Variants in PRMT8 observed in about 807,000 individuals in gnomAD.
PRMT8 encodes protein arginine methyltransferase 8, also known as protein arginine N-methyltransferase 8.
Under a neutral mutation model 47.1 loss-of-function variants are expected in PRMT8, and 7 were observed. The observed-to-expected ratio is 0.15, with a 90% CI of 0.08 to 0.28. The LOEUF (loss-of-function observed/expected upper bound fraction) is 0.28. PRMT8 is among the 10% of genes least tolerant of loss of function. PRMT8 has a pLI of 1.00. For synonymous variants in PRMT8, 188 were observed against 186.5 expected (o/e 1.01, Z -0.07); for missense variants, 237 against 505.4 (o/e 0.47, Z 5.09).
upstream of PRMT8, among the ~76,000 whole-genome samples, chr12:3,489,463 C>A (rs1182199604): frequency 6.6e-6 from 1 of 151,898 alleles, no homozygotes; most frequent in Non-Finnish European, 1.5e-5. Flanking sequence ...TCTTGGGGTC[C>A]TTATTTGTAA....
rs1397655285 is a variant in PRMT8, at chr12:3,572,242, G to A, written c.712+2678G>A. ...TAGGCTCACAATACATAATTTTAAC[G>A]AAGGAAGGAAGGAAGGAAGGAAAGT... On this transcript the variant is annotated intron_variant, in intron 6 of 9. Transcript: ENST00000382622. This position sits in a 1 kb window ranked among gnomAD's most constrained non-coding sequence, Gnocchi z 5.9. Among the ~76,000 whole-genome samples the A allele has an allele frequency of 6.7e-6, 1 of 150,194 alleles. No individual in the cohort carries two copies. Among genetic ancestry groups the A allele is most frequent in the African/African-American group, 2.4e-5 (1 of 41,212 alleles).
Position 3,453,854 on chromosome 12 carries a change from C to T in PRMT8, c.48+72412C>T, listed in dbSNP as rs1864946729. The stretch of plus-strand genomic sequence containing the variant: ...TGGGCTTCCGACGCCGGCCCTGCTC[C>T]GGCGATTGAAAATGACTGCAGCCTC... On this transcript the variant is annotated intron_variant, in intron 1 of 9. Transcript: ENST00000452611. This position sits in a 1 kb window ranked among gnomAD's most constrained non-coding sequence, Gnocchi z 4.9. Among the ~76,000 whole-genome samples, 1 of 152,180 alleles carries T rather than the reference C, an allele frequency of 6.6e-6. No individual in the cohort carries two copies. The highest frequency in any genetic ancestry group is 2.4e-5 in the African/African-American group (1 of 41,434).
chr12:3,404,755 A>G (rs1026512480), intron 1 of PRMT8, among the ~76,000 whole-genome samples: 2 of 152,212 alleles, frequency 1.3e-5, no homozygotes, highest in Non-Finnish European at 1.5e-5. Context: ...CTCTCTCTCT[A>G]TGAGTAGGAA....
At chr12:3,416,933 C>T (rs1282902973) in intron 1 of PRMT8, among the ~76,000 whole-genome samples, 1 of 152,168 alleles carries the variant, frequency 6.6e-6, no homozygotes, top group African/African-American at 2.4e-5. Flanking sequence ...GGGCAGAGAA[C>T]AAACAGTATG....
chr12:3,580,615 T>C lies in PRMT8; in HGVS notation c.829-2443T>C, dbSNP rs953517020. On this transcript the variant is annotated intron_variant, in intron 7 of 9. Transcript: ENST00000382622. This position sits in a 1 kb window ranked among gnomAD's most constrained non-coding sequence, Gnocchi z 4.6. ...ACTGAGGATACACAGGACAATGAGG[T>C]GTAACTTCTGCCACTGAAGGCTTCA... Among the ~76,000 whole-genome samples, 3 of 152,082 alleles carry C rather than the reference T, an allele frequency of 2.0e-5. No individual in the cohort carries two copies. The highest frequency in any genetic ancestry group is 7.2e-5 in the African/African-American group (3 of 41,422).
In PRMT8 at chr12:3,538,505, T is replaced by TGGAGTCCCAGGA; in HGVS notation, c.76-2101_76-2100insGGAGTCCCAGGA. The TGGAGTCCCAGGA allele has an allele frequency of 2.4e-6, 1 of 424,478 alleles. No homozygotes were observed. The highest frequency in any genetic ancestry group is 4.7e-6 in the Non-Finnish European group (1 of 213,512). The allele number at this position is 424,478 out of a possible 1,614,324, so 26.3% of individuals were successfully genotyped here. On this transcript the variant is annotated intron_variant, in intron 1 of 9. Transcript: ENST00000382622. The surrounding 1 kb of genome is among the most constrained non-coding windows in gnomAD (Gnocchi z 4.6). The stretch of plus-strand genomic sequence containing the variant: ...CCCACTCCCAGCCTCCGGGGAGTCT[T>TGGAGTCCCAGGA]AGCCTGTGGAGTCCCAGGAAGCACA...
Position 3,538,232 on chromosome 12 carries a change from C to T in PRMT8, c.76-2374C>T, listed in dbSNP as rs911260302. The T allele has an allele frequency of 6.4e-6, 1 of 157,090 alleles. No individual in the cohort carries two copies. The highest frequency in any genetic ancestry group is 1.4e-5 in the Non-Finnish European group (1 of 71,170). The allele number at this position is 157,090 out of a possible 1,614,324, so 9.7% of individuals were successfully genotyped here. A position where few individuals can be genotyped will look rare whatever the true frequency, so the allele number is the denominator to read the frequency against. On this transcript the variant is annotated intron_variant, in intron 1 of 9. Coordinates refer to ENST00000382622, the MANE Select transcript of PRMT8 (RefSeq NM_019854.5). This position sits in a 1 kb window ranked among gnomAD's most constrained non-coding sequence, Gnocchi z 4.6. ...AAAGTGAATTCTCTTTCCTGTGAAC[C>T]TCCAGAACAATTTGCTTGAACTTCT... is the stretch of plus-strand genomic sequence containing the variant.
chr12:3,497,646 T>A (rs1865530141), intron 1 of PRMT8, among the ~76,000 whole-genome samples: 1 of 152,264 alleles, frequency 6.6e-6, no homozygotes, highest in South Asian at 2.1e-4. Flanking sequence ...GCCTCTCCAG[T>A]ATTATCCAGC....
intron 1 of PRMT8, among the ~76,000 whole-genome samples, chr12:3,403,707 C>T (rs898147254): frequency 7.9e-5 from 12 of 151,292 alleles, no homozygotes; most frequent in Admixed American, 5.9e-4. Context: ...GGTGAAACCC[C>T]GTCTCTACTA....
At chr12:3,427,824 C>T (rs55889835) in intron 1 of PRMT8, among the ~76,000 whole-genome samples, 5,203 of 152,128 alleles carry the variant, frequency 0.034, 133 homozygotes, top group Non-Finnish European at 0.047. Flanking sequence ...AAATTCTGCT[C>T]CCCCTCTTTT....
rs530663910 is a variant in PRMT8 at position 3,439,413 on chromosome 12, A to G, written c.48+57971A>G. Among the ~76,000 whole-genome samples, 4 of 152,276 alleles carry G rather than the reference A, an allele frequency of 2.6e-5. No homozygotes were observed. In the South Asian group the frequency reaches 8.3e-4, roughly 32 times the overall value. On this transcript the variant is annotated intron_variant, in intron 1 of 9. Transcript: ENST00000452611. ...ATGTTACACCTTGGGAAAGCTTGAG[A>G]GATGTCACTGAGACACCTGGCTCTA...
rs1005350652 is a variant in PRMT8, at chr12:3,569,045, C to T, written c.624+197C>T. On this transcript the variant is annotated intron_variant, in intron 5 of 9. Transcript: ENST00000382622. This position sits in a 1 kb window ranked among gnomAD's most constrained non-coding sequence, Gnocchi z 8.2. ...CCCCGGGTCCAGCATGTGTAACCAT[C>T]AGAGTGGACTTCCGTGGGTCTCACC... Among the ~76,000 whole-genome samples, 2 of 152,108 alleles carry T rather than the reference C, an allele frequency of 1.3e-5. No homozygotes were observed. Among genetic ancestry groups the T allele is most frequent in the African/African-American group, 4.8e-5 (2 of 41,444 alleles).
At chr12:3,416,257 C>T (rs939903856) in intron 1 of PRMT8, among the ~76,000 whole-genome samples, 4 of 152,190 alleles carry the variant, frequency 2.6e-5, no homozygotes, top group African/African-American at 7.2e-5. Flanking sequence ...ACATCATCCC[C>T]TATCAAGAGA....
At chr12:3,498,935 C>T (rs1223139327) in intron 1 of PRMT8, among the ~76,000 whole-genome samples, 2 of 152,130 alleles carry the variant, frequency 1.3e-5, no homozygotes, top group African/African-American at 2.4e-5. Flanking sequence ...CATGGAGAAT[C>T]TGTTCCTTGC....
rs541623172 is a variant in PRMT8 at position 3,564,338 on chromosome 12, A to G, written c.482-4368A>G. Among the ~76,000 whole-genome samples, 1 of 152,324 alleles carries G rather than the reference A, an allele frequency of 6.6e-6. No homozygotes were observed. Among genetic ancestry groups the G allele is most frequent in the African/African-American group, 2.4e-5 (1 of 41,588 alleles). On this transcript the variant is annotated intron_variant, in intron 4 of 9. Coordinates refer to ENST00000382622, the MANE Select transcript of PRMT8 (RefSeq NM_019854.5). This position sits in a 1 kb window ranked among gnomAD's most constrained non-coding sequence, Gnocchi z 4.0. ...ATCACTAACTTCAGATCCTACGGGC[A>G]TCAGCTGACCCTGATGGATGCACTG... is the stretch of plus-strand genomic sequence containing the variant.
chr12:3,564,200 AGG>A lies in PRMT8; in HGVS notation c.482-4501_482-4500del, dbSNP rs1312652149. 7.9e-5 allele frequency among the ~76,000 whole-genome samples: 12 copies of A among 152,090 alleles called. No individual in the cohort carries two copies. The highest frequency in any genetic ancestry group is 1.5e-4 in the Non-Finnish European group (10 of 68,014). On this transcript the variant is annotated intron_variant, in intron 4 of 9. Coordinates refer to ENST00000382622, the MANE Select transcript of PRMT8 (RefSeq NM_019854.5). This position sits in a 1 kb window ranked among gnomAD's most constrained non-coding sequence, Gnocchi z 4.0. ...AGGGCTTTGCTGCAGTGGGGTTGGC[AGG>A]GGGGTCAGGGGGCTTCATAGGCTCA...
intron 1 of PRMT8, among the ~76,000 whole-genome samples, chr12:3,401,489 T>G (rs891219453): frequency 3.3e-5 from 5 of 151,964 alleles, no homozygotes; most frequent in African/African-American, 1.2e-4. Flanking sequence ...GAGAAAGAAA[T>G]AAAGAGTATT....
chr12:3,499,161 T>C (rs1191571794), intron 1 of PRMT8, among the ~76,000 whole-genome samples: 1 of 148,934 alleles, frequency 6.7e-6, no homozygotes, highest in African/African-American at 2.5e-5. Flanking sequence ...CTATTTTTAT[T>C]TTTATTTATT....
At position 3,535,246 on chromosome 12, in the gene PRMT8, G is replaced by A. The variant is rs977793242; in HGVS notation, c.76-5360G>A. On this transcript the variant is annotated intron_variant, in intron 1 of 9. Coordinates refer to ENST00000382622, the MANE Select transcript of PRMT8 (RefSeq NM_019854.5). This position sits in a 1 kb window ranked among gnomAD's most constrained non-coding sequence, Gnocchi z 4.7. ...GCTGCGTCCATAACCTTTCATCTCTGCATTTAGTGGGCCCGAGGCCTGTTC... is the reference window on the plus strand; with the variant it reads ...GCTGCGTCCATAACCTTTCATCTCTACATTTAGTGGGCCCGAGGCCTGTTC... 2.6e-5 allele frequency among the ~76,000 whole-genome samples: 4 copies of A among 152,178 alleles called. No homozygotes were observed. The highest frequency in any genetic ancestry group is 4.4e-5 in the Non-Finnish European group (3 of 68,038).
Sources: allele counts gnomAD v4.1 joint callset (sites outside exome capture counted in the v4.1 genomes callset), GRCh38; gene constraint gnomAD v4.1.1; non-coding constraint Gnocchi (gnomAD v3.1); transcripts MANE v1.5; gene names NCBI Gene and HGNC (gene_info 2026-07-23, HGNC 2026-07-21).